The following HMGXB3 variants were observed in gnomAD, a reference collection of about 807,000 sequenced individuals.
HMGXB3 encodes HMG domain-containing protein 3.
Under a neutral mutation model 121.5 loss-of-function variants are expected in HMGXB3, and 45 were observed. The observed-to-expected ratio is 0.37, with a 90% confidence interval of 0.29 to 0.47. The LOEUF is 0.47. Ranked by LOEUF, HMGXB3 falls within the 20% of genes least tolerant of loss-of-function variation. The pLI, the probability that HMGXB3 is intolerant of heterozygous loss-of-function variation, is 0.99. For synonymous variants in HMGXB3, 590 were observed against 624.1 expected (o/e 0.95, Z 0.81); for missense variants, 1,376 against 1,602.2 (o/e 0.86, Z 2.41).
rs954410986 is a variant in HMGXB3 at position 150,040,863 on chromosome 5, G to A, written c.2529G>A (p.Ser843=). The A allele has an allele frequency of 9.0e-6, 14 of 1,549,646 alleles. No homozygotes were observed. Among genetic ancestry groups the A allele is most frequent in the African/African-American group, 8.2e-5 (6 of 72,864 alleles). ...TGTCCATCAATGTTGTTCTGAAGTCGGTGCAGGAGCAGACAGGTAAAAGTT... is the reference window on the plus strand; with the variant it reads ...TGTCCATCAATGTTGTTCTGAAGTCAGTGCAGGAGCAGACAGGTAAAAGTT... ...PRVSINVVLK[S]VQEQTEKTLT... The change falls in exon 14 of 20, where the codon TCG becomes TCA. Residue 843 remains serine (S), a synonymous_variant. Coordinates refer to ENST00000502717, the MANE Select transcript of HMGXB3 (RefSeq NM_014983.3).
In HMGXB3 at chr5:150,036,716, C is replaced by G. The variant is rs917253566; in HGVS notation, c.2064C>G (p.Ser688=). The change falls in exon 12 of 20, where the codon TCC becomes TCG. Residue 688 remains serine, a synonymous_variant. Coordinates refer to ENST00000502717, the MANE Select transcript of HMGXB3 (RefSeq NM_014983.3). The stretch of plus-strand genomic sequence containing the variant: ...CCCAGAGGGAGATCCAGCGCCAGTC[C>G]ACACTGCAGCTGCTGCGCAAAGTCC... The part of the protein sequence containing the change: ...STAQREIQRQ[S]TLQLLRKVLQ... The G allele has an allele frequency of 6.4e-7, 1 of 1,551,488 alleles. No homozygotes were observed. Among genetic ancestry groups the G allele is most frequent in the African/African-American group, 1.4e-5 (1 of 73,150 alleles).
intron 15 of HMGXB3, among the ~76,000 whole-genome samples, chr5:150,043,393 CAA>C (rs1756682919): frequency 6.6e-6 from 1 of 152,196 alleles, no homozygotes; most frequent in African/African-American, 2.4e-5. Context: ...CCATAGTAAA[CAA>C]GAGCCTGGGA....
chr5:150,029,764 C>G (rs1185476896), intron 9 of HMGXB3, among the ~76,000 whole-genome samples: 1 of 152,242 alleles, frequency 6.6e-6, no homozygotes, highest in Non-Finnish European at 1.5e-5. Context: ...AACTTCCTTT[C>G]TTTAACAGTT....
At chr5:150,041,758 T>C in intron 14 of HMGXB3, 27 bp from the exon 15 acceptor site, 3 of 1,539,890 alleles carry the variant, frequency 1.9e-6, no homozygotes, top group Non-Finnish European at 2.6e-6. Flanking sequence ...TTCTGTGCCC[T>C]TCTCAGTGTT....
At chr5:150,024,121 G>C (rs1756164597) in intron 6 of HMGXB3, 141 bp from the exon 7 acceptor site, 1 of 717,654 alleles carries the variant, frequency 1.4e-6, no homozygotes, top group South Asian at 2.3e-5. Context: ...TTTTACACTT[G>C]AGATCTTAAG....
chr5:150,028,994 T>C (rs1374416301), intron 9 of HMGXB3, among the ~76,000 whole-genome samples: 1 of 152,182 alleles, frequency 6.6e-6, no homozygotes, highest in East Asian at 1.9e-4. Flanking sequence ...TTAGTTGTCA[T>C]GTCTCTTTAG....
chr5:150,031,180 C>A (rs72832127), intron 10 of HMGXB3, among the ~76,000 whole-genome samples: 5,939 of 152,318 alleles, frequency 0.039, 176 homozygotes, highest in Non-Finnish European at 0.06. Flanking sequence ...TCCACAGTTA[C>A]ATTTAGGCAA....
At chr5:150,047,599 C>T in intron 16 of HMGXB3, 25 bp from the exon 17 acceptor site, 1 of 1,551,210 alleles carries the variant, frequency 6.4e-7, no homozygotes, top group East Asian at 2.4e-5. Flanking sequence ...CAGCACCCTC[C>T]CACCAGCACT....
At chr5:150,034,006 A>G (rs1456673535) in intron 11 of HMGXB3, among the ~76,000 whole-genome samples, 1 of 152,182 alleles carries the variant, frequency 6.6e-6, no homozygotes, top group East Asian at 1.9e-4. Flanking sequence ...TAGTTTCTCC[A>G]TTGGTAAAGT....
At position 150,024,335 on chromosome 5, in the gene HMGXB3, A is replaced by G; in HGVS notation, c.1115A>G (p.Gln372Arg). ...SSKGSVVKRN[Q>R]QPVTTEQNSS... ...AAAGGCTCTGTGGTGAAAAGAAATC[A>G]GCAACCTGTCACCACTGAGCAAAAT... Residue 372 changes from glutamine to arginine, a missense_variant, in exon 7 of 20, where the codon CAG (glutamine) becomes CGG (arginine). This residue lies in a region of HMGXB3 where 1,116 missense variants were observed against 1,369.0 expected (regional missense o/e 0.82). Transcript: ENST00000502717. The G allele has an allele frequency of 6.4e-7, 1 of 1,551,734 alleles. No individual in the cohort carries two copies. The highest frequency in any genetic ancestry group is 1.2e-5 in the South Asian group (1 of 84,048).
At chr5:150,019,105 C>A (rs2113735808) in intron 6 of HMGXB3, among the ~76,000 whole-genome samples, 1 of 151,924 alleles carries the variant, frequency 6.6e-6, no homozygotes, top group Admixed American at 6.6e-5. Context: ...GCACTGTTTT[C>A]CCTTTTATTT....
At chr5:150,031,483 C>T (rs887596583) in intron 10 of HMGXB3, among the ~76,000 whole-genome samples, 1 of 152,202 alleles carries the variant, frequency 6.6e-6, no homozygotes, top group African/African-American at 2.4e-5. Flanking sequence ...TGCCACTGGG[C>T]AAGATTCTTT....
rs759146424 is a variant in HMGXB3, at chr5:150,036,723, C to T, written c.2071C>T (p.Gln691Ter). The T allele has an allele frequency of 3.9e-6, 6 of 1,551,576 alleles. No individual in the cohort carries two copies. Among genetic ancestry groups the T allele is most frequent in the Non-Finnish European group, 5.2e-6 (6 of 1,146,990 alleles). The change falls in exon 12 of 20, where the codon CAG becomes TAG. Residue 691 changes from glutamine (Q) to a stop codon, truncating the protein, a stop_gained. Transcript: ENST00000502717. LOFTEE classifies it high-confidence loss of function. ...QREIQRQSTL[Q>*]LLRKVLQIPE... Reference sequence around the variant, plus strand: ...GGAGATCCAGCGCCAGTCCACACTGCAGCTGCTGCGCAAAGTCCTGCAGAT... The same window carrying T: ...GGAGATCCAGCGCCAGTCCACACTGTAGCTGCTGCGCAAAGTCCTGCAGAT...
intron 9 of HMGXB3, among the ~76,000 whole-genome samples, chr5:150,029,334 T>TG (rs1756318818): frequency 6.6e-6 from 1 of 151,720 alleles, no homozygotes. Context: ...TATCAAGTTT[T>TG]TTTTTTTTTT....
At chr5:150,047,034 GCCACCACACCACCACAC>G (rs1232667987) in intron 16 of HMGXB3, among the ~76,000 whole-genome samples, 1 of 150,296 alleles carries the variant, frequency 6.7e-6, no homozygotes, top group East Asian at 2.1e-4. Context: ...ATAGGCGCAC[GCCACCACACCACCACAC>G]CTGGCTAATT....
chr5:150,008,183 A>G (rs943507542), intron 3 of HMGXB3, among the ~76,000 whole-genome samples: 2 of 152,094 alleles, frequency 1.3e-5, no homozygotes, highest in African/African-American at 2.4e-5. Context: ...AATGTAGATC[A>G]TTATCAAGAC....
intron 7 of HMGXB3, 116 bp from the exon 8 acceptor site, chr5:150,026,590 A>C (rs1183809662): frequency 1.2e-6 from 1 of 855,688 alleles, no homozygotes. Context: ...AATCTGTCTA[A>C]AGCTTGACAG....
chr5:150,030,904 C>G (rs866398092), intron 10 of HMGXB3, 65 bp downstream of exon 10: 1 of 1,172,166 alleles, frequency 8.5e-7, no homozygotes, highest in Non-Finnish European at 1.2e-6. Flanking sequence ...GGTTGAAGGT[C>G]AGTAGGAGGC....
intron 4 of HMGXB3, among the ~76,000 whole-genome samples, chr5:150,011,090 TC>T (rs1755823079): frequency 6.6e-6 from 1 of 152,054 alleles, no homozygotes; most frequent in South Asian, 2.1e-4. Flanking sequence ...TCACACTGGC[TC>T]CCTGAAGACT....
Sources: allele counts gnomAD v4.1 joint callset (sites outside exome capture counted in the v4.1 genomes callset), GRCh38; gene constraint gnomAD v4.1.1; regional missense constraint gnomAD v4.1.1; transcripts MANE v1.5; gene names NCBI Gene and HGNC (gene_info 2026-07-23, HGNC 2026-07-21).